The following AMPD3 variants were observed in gnomAD, a reference collection of about 807,000 sequenced individuals.
The protein encoded by AMPD3 is adenosine monophosphate deaminase 3.
In AMPD3, 57 loss-of-function variants were observed where a neutral mutation model predicts 82.3. That is an observed-to-expected ratio of 0.69 (90% CI 0.56 to 0.86). AMPD3 has a LOEUF of 0.86. AMPD3 is among the 40% of genes least tolerant of loss of function. The pLI is 0.00. For missense variants in AMPD3, 870 were observed against 1,003.8 expected, an observed-to-expected ratio of 0.87 and a Z score of 1.80; for synonymous variants, 381 against 394.7, an observed-to-expected ratio of 0.97 and a Z score of 0.41.
chr11:10,504,001 G>T, intron 13 of AMPD3: 1 of 985,376 alleles, frequency 1.0e-6, no homozygotes, highest in Non-Finnish European at 1.2e-6. Flanking sequence ...CAGAAGGGAA[G>T]CAAAACCACA....
Position 10,505,780 on chromosome 11 carries a change from G to A in AMPD3, c.2200G>A (p.Val734Met). 6.2e-7 allele frequency: 1 copy of A among 1,614,184 alleles called. No homozygotes were observed. The highest frequency in any genetic ancestry group is 8.5e-7 in the Non-Finnish European group (1 of 1,180,052). Reference protein sequence around the residue: ...PEGNDIRKTNVAQIRMAFRYE... With the variant: ...PEGNDIRKTNMAQIRMAFRYE... ...AGGAAATGATATTCGAAAGACAAAT[G>A]TGGCTCAGATCCGGATGGCATTCCG... Residue 734 changes from valine to methionine, a missense_variant, in exon 15 of 15, where the codon GTG becomes ATG. By Grantham distance (21) the Val-to-Met change is conservative. Transcript: ENST00000396553.
At chr11:10,478,437 T>C in intron 2 of AMPD3, 89 bp from the exon 3 acceptor site, 2 of 1,586,470 alleles carry the variant, frequency 1.3e-6, no homozygotes, top group African/African-American at 1.3e-5. Context: ...ATAGCAAAAT[T>C]CTCCTGCCAC....
chr11:10,489,142 A>G (rs1239811313), intron 6 of AMPD3, among the ~76,000 whole-genome samples: 1 of 152,104 alleles, frequency 6.6e-6, no homozygotes, highest in Non-Finnish European at 1.5e-5. Flanking sequence ...ACCTTCAAGC[A>G]CCATTTGTTC....
chr11:10,484,451 G>C (rs747321609), intron 4 of AMPD3: 241 of 985,174 alleles, frequency 2.4e-4, no homozygotes, highest in Non-Finnish European at 2.9e-4. Context: ...AATATTCCTG[G>C]AATCTCTGAA....
Position 10,506,041 on chromosome 11 carries a change from A to C in AMPD3, c.*157A>C. ...TTTTGGTTGCACTGCTCACTTTAAG[A>C]GTTAACATGCTCACTTGTTAGTATT... On this transcript the variant is annotated 3_prime_UTR_variant, in exon 15 of 15. Coordinates refer to ENST00000396553, the MANE Select transcript of AMPD3 (RefSeq NM_001025389.2). This position sits in a 1 kb window ranked among gnomAD's most constrained non-coding sequence, Gnocchi z 4.1. The C allele has an allele frequency of 1.3e-6, 1 of 765,714 alleles. No individual in the cohort carries two copies. The highest frequency in any genetic ancestry group is 2.7e-5 in the East Asian group (1 of 37,492). 47.4% of individuals were successfully genotyped at this position (765,714 alleles called of 1,614,324 possible). A position where few individuals can be genotyped will look rare whatever the true frequency, so the allele number is the denominator to read the frequency against.
intron 12 of AMPD3, chr11:10,502,080 C>T (rs1849596118): frequency 3.0e-6 from 3 of 985,464 alleles, no homozygotes; most frequent in Non-Finnish European, 2.4e-6. Context: ...AGTCCATCCA[C>T]CTTTTCACTG....
upstream of AMPD3, among the ~76,000 whole-genome samples, chr11:10,452,498 T>A (rs1591431661): frequency 6.6e-6 from 1 of 151,962 alleles, no homozygotes; most frequent in African/African-American, 2.4e-5. Flanking sequence ...CACCGAGAAG[T>A]ACCATTCATA....
At chr11:10,460,066 T>A (rs936514) in intron 1 of AMPD3, among the ~76,000 whole-genome samples, 57,573 of 143,766 alleles carry the variant, frequency 0.4, 12,413 homozygotes, top group East Asian at 0.69. Flanking sequence ...TAATATATAT[T>A]ATATATAATA....
rs1055735785 is a variant in AMPD3 at position 10,506,368 on chromosome 11, A to T, written c.*484A>T. 1.1e-5 allele frequency: 2 copies of T among 174,514 alleles called. No individual in the cohort carries two copies. Among genetic ancestry groups the T allele is most frequent in the Admixed American group, 1.1e-4 (2 of 17,826 alleles). The allele number at this position is 174,514 out of a possible 1,614,324, so 10.8% of individuals were successfully genotyped here. ...TACTTTGAAGGAGTTAAGATGGAAG[A>T]CTTCCTTCTTGACAAATTGTGTTTT... On this transcript the variant is annotated 3_prime_UTR_variant, in exon 15 of 15. Transcript: ENST00000396553. The surrounding 1 kb of genome is among the most constrained non-coding windows in gnomAD (Gnocchi z 4.1).
intron 12 of AMPD3, 95 bp from the exon 13 acceptor site, chr11:10,502,626 C>G: frequency 1.3e-6 from 2 of 1,592,644 alleles, no homozygotes; most frequent in Non-Finnish European, 1.7e-6. Flanking sequence ...CCCCTGGTTT[C>G]CACTGGTGAA....
intron 2 of AMPD3, among the ~76,000 whole-genome samples, chr11:10,467,213 C>T (rs557460357): frequency 3.3e-5 from 5 of 152,164 alleles, no homozygotes; most frequent in East Asian, 3.9e-4. Flanking sequence ...TAATAACAAA[C>T]GCCTCTGAGC....
At chr11:10,467,995 C>T (rs1221052554) in intron 2 of AMPD3, among the ~76,000 whole-genome samples, 1 of 152,302 alleles carries the variant, frequency 6.6e-6, no homozygotes, top group East Asian at 1.9e-4. Flanking sequence ...CCAGGCCTGC[C>T]TTACAAGAGC....
At chr11:10,483,858 T>A in intron 4 of AMPD3, among the ~76,000 whole-genome samples, 1 of 152,206 alleles carries the variant, frequency 6.6e-6, no homozygotes, top group East Asian at 1.9e-4. Context: ...ATCTTGAGGT[T>A]TGCTCCTGCC....
chr11:10,482,697 T>C (rs993006498), intron 4 of AMPD3, among the ~76,000 whole-genome samples: 1 of 151,748 alleles, frequency 6.6e-6, no homozygotes, highest in African/African-American at 2.4e-5. Flanking sequence ...ATATATATTA[T>C]TATGTTTTGT....
chr11:10,461,636 C>T lies in AMPD3; in HGVS notation c.117C>T (p.Ser39=), dbSNP rs889445553. 1.2e-6 allele frequency: 2 copies of T among 1,614,216 alleles called. No homozygotes were observed. Among genetic ancestry groups the T allele is most frequent in the Middle Eastern group, 1.6e-4 (1 of 6,062 alleles). The change falls in exon 2 of 15, where the codon TCC becomes TCT. Residue 39 remains serine, a synonymous_variant. Coordinates refer to ENST00000396553, the MANE Select transcript of AMPD3 (RefSeq NM_001025389.2). ...AAGAGGACAGCAAAGATGCCCTGTC[C>T]CTGTTCACTGTCCCAGAGGACTGCC... ...LREEDSKDAL[S]LFTVPEDCPI... is the part of the protein sequence containing the mutation.
At chr11:10,453,987 G>A (rs946992390), upstream of AMPD3, among the ~76,000 whole-genome samples, 6 of 152,106 alleles carry the variant, frequency 3.9e-5, no homozygotes, top group African/African-American at 7.2e-5. Context: ...GTCTAGTCTC[G>A]GGCAGGAGAA....
chr11:10,450,782 G>T, upstream of AMPD3: 1 of 1,169,692 alleles, frequency 8.5e-7, no homozygotes. Context: ...ACCGACGGGG[G>T]CTGCACGCGG....
chr11:10,496,277 C>G, intron 9 of AMPD3: 1 of 985,338 alleles, frequency 1.0e-6, no homozygotes, highest in Non-Finnish European at 1.2e-6. Flanking sequence ...GAACTACTAC[C>G]CCCGCCTTCT....
intron 4 of AMPD3, 162 bp from the exon 5 acceptor site, chr11:10,484,658 T>C: frequency 1.5e-6 from 1 of 660,428 alleles, no homozygotes; most frequent in Non-Finnish European, 1.9e-6. Flanking sequence ...TGGTGGTAAG[T>C]GCTGACGAGA....
Sources: allele counts gnomAD v4.1 joint callset (sites outside exome capture counted in the v4.1 genomes callset), GRCh38; gene constraint gnomAD v4.1.1; non-coding constraint Gnocchi (gnomAD v3.1); transcripts MANE v1.5; gene names NCBI Gene and HGNC (gene_info 2026-07-23, HGNC 2026-07-21).